CPA6: variants seen among roughly 807,000 people sequenced by gnomAD.
CPA6 encodes the protein carboxypeptidase B.
Under a neutral mutation model 63.3 loss-of-function variants are expected in CPA6, and 58 were observed. That is an observed-to-expected ratio of 0.92 (90% CI 0.74 to 1.14). The LOEUF (loss-of-function observed/expected upper bound fraction) is 1.14, where lower values mean the gene tolerates loss of function less well. CPA6 is among the 50% of genes most tolerant of loss of function. CPA6 has a pLI of 0.00. For missense variants in CPA6, 565 were observed against 526.6 expected, an observed-to-expected ratio of 1.07 and a Z score of -0.71; for synonymous variants, 185 against 179.0, an observed-to-expected ratio of 1.03 and a Z score of -0.27.
At chr8:67,618,535 A>C (rs1306513861) in intron 2 of CPA6, among the ~76,000 whole-genome samples, 1 of 152,158 alleles carries the variant, frequency 6.6e-6, no homozygotes, top group Non-Finnish European at 1.5e-5. Flanking sequence ...CCTCCTAGCA[A>C]GTATAGTTTT....
At chr8:67,707,734 C>T (rs1383906352) in intron 1 of CPA6, among the ~76,000 whole-genome samples, 1 of 151,974 alleles carries the variant, frequency 6.6e-6, no homozygotes, top group African/African-American at 2.4e-5. Flanking sequence ...TGGTGAAACC[C>T]CATCTCTACT....
chr8:67,650,760 C>G (rs1045589652), intron 1 of CPA6, among the ~76,000 whole-genome samples: 1 of 152,088 alleles, frequency 6.6e-6, no homozygotes. Flanking sequence ...AAGACCTGAT[C>G]CCACACGCAC....
At chr8:67,624,894 G>T (rs1450628322) in intron 1 of CPA6, among the ~76,000 whole-genome samples, 1 of 152,100 alleles carries the variant, frequency 6.6e-6, no homozygotes, top group African/African-American at 2.4e-5. Context: ...CCAGGGGTTT[G>T]GTCTAGGTCC....
intron 1 of CPA6, among the ~76,000 whole-genome samples, chr8:67,731,247 A>G (rs1817699884): frequency 6.6e-6 from 1 of 152,190 alleles, no homozygotes; most frequent in African/African-American, 2.4e-5. Context: ...GAAAAAAACA[A>G]ATTCTTTTTC....
intron 2 of CPA6, among the ~76,000 whole-genome samples, chr8:67,555,212 G>A (rs940928153): frequency 6.6e-6 from 1 of 152,242 alleles, no homozygotes; most frequent in East Asian, 1.9e-4. Context: ...ACCCTAGATA[G>A]CTTCAATATG....
chr8:67,617,716 G>A (rs775675723), intron 2 of CPA6, among the ~76,000 whole-genome samples: 1 of 152,182 alleles, frequency 6.6e-6, no homozygotes, highest in Non-Finnish European at 1.5e-5. Flanking sequence ...GGCATGGTGT[G>A]GATTCTCTGC....
intron 8 of CPA6, among the ~76,000 whole-genome samples, chr8:67,482,505 A>C (rs1375689678): frequency 6.6e-6 from 1 of 152,188 alleles, no homozygotes; most frequent in Non-Finnish European, 1.5e-5. Context: ...TCCCTTCATA[A>C]ATGCAAGTGC....
At chr8:67,644,309 G>A (rs575953295) in intron 1 of CPA6, among the ~76,000 whole-genome samples, 34 of 152,146 alleles carry the variant, frequency 2.2e-4, no homozygotes, top group East Asian at 1.2e-3. Flanking sequence ...TAGTAGAGAC[G>A]GCGTTTCACC....
intron 2 of CPA6, among the ~76,000 whole-genome samples, chr8:67,543,525 T>C (rs1812749421): frequency 6.6e-6 from 1 of 152,136 alleles, no homozygotes; most frequent in African/African-American, 2.4e-5. Flanking sequence ...TACACAAAAA[T>C]AGCAATGGGA....
At chr8:67,585,076 G>T (rs942242795) in intron 2 of CPA6, among the ~76,000 whole-genome samples, 1 of 152,186 alleles carries the variant, frequency 6.6e-6, no homozygotes, top group Non-Finnish European at 1.5e-5. Flanking sequence ...GTTAGGGTCT[G>T]AGTTTATGTA....
At chr8:67,585,574 T>A (rs1813908432) in intron 2 of CPA6, among the ~76,000 whole-genome samples, 1 of 152,196 alleles carries the variant, frequency 6.6e-6, no homozygotes, top group Non-Finnish European at 1.5e-5. Context: ...CACAATCTAA[T>A]GTTTTGCTTA....
chr8:67,498,326 AG>A (rs1811763240), intron 6 of CPA6, among the ~76,000 whole-genome samples: 1 of 151,880 alleles, frequency 6.6e-6, no homozygotes, highest in South Asian at 2.1e-4. Flanking sequence ...ACTTGAGGGC[AG>A]GAGTTTGGGA....
chr8:67,668,592 T>A (rs1174957434), intron 1 of CPA6, among the ~76,000 whole-genome samples: 1 of 152,156 alleles, frequency 6.6e-6, no homozygotes, highest in Non-Finnish European at 1.5e-5. Context: ...CCACAAAAAA[T>A]GTGCTCCGGT....
chr8:67,529,020 A>G (rs948896397), intron 2 of CPA6, among the ~76,000 whole-genome samples: 6 of 151,664 alleles, frequency 4.0e-5, no homozygotes, highest in Non-Finnish European at 5.9e-5. Context: ...CTCACCTTAC[A>G]TAAGTCCAGA....
intron 8 of CPA6, among the ~76,000 whole-genome samples, chr8:67,435,595 T>C (rs760262618): frequency 4.0e-4 from 60 of 151,742 alleles, no homozygotes; most frequent in Admixed American, 1.1e-3. Flanking sequence ...GAGATGGAGC[T>C]GCCTGACTCA....
At chr8:67,435,141 T>C (rs972439741) in intron 8 of CPA6, among the ~76,000 whole-genome samples, 13 of 152,304 alleles carry the variant, frequency 8.5e-5, no homozygotes, top group African/African-American at 2.9e-4. Context: ...GCAAATGTTT[T>C]GGAGGTCCCC....
chr8:67,689,733 C>A (rs983228120), intron 1 of CPA6, among the ~76,000 whole-genome samples: 1 of 152,184 alleles, frequency 6.6e-6, no homozygotes, highest in African/African-American at 2.4e-5. Context: ...CTGCGATGAA[C>A]ATACAAGTGC....
intron 1 of CPA6, among the ~76,000 whole-genome samples, chr8:67,730,382 C>T (rs1416819215): frequency 6.6e-6 from 1 of 152,140 alleles, no homozygotes; most frequent in Non-Finnish European, 1.5e-5. Context: ...ACTTCCAGAC[C>T]CTCTGTGGGG....
chr8:67,726,613 A>G (rs1402674447), intron 1 of CPA6, among the ~76,000 whole-genome samples: 2 of 152,198 alleles, frequency 1.3e-5, no homozygotes, highest in African/African-American at 4.8e-5. Flanking sequence ...CTTTTTTCCT[A>G]ACTTTTAAAT....
Sources: gnomAD v4.1 joint callset for allele counts (sites outside exome capture counted in the v4.1 genomes callset) on GRCh38, gnomAD v4.1.1 for gene constraint, MANE v1.5 for transcripts, NCBI Gene and HGNC (gene_info 2026-07-23, HGNC 2026-07-21) for gene names.